Variants in LMX1B observed in about 807,000 individuals in gnomAD.
The protein encoded by LMX1B is LIM homeobox transcription factor 1-beta.
In LMX1B, 12 loss-of-function variants were observed where a neutral mutation model predicts 51.4. The ratio of observed to expected loss-of-function variants is 0.23; its 90% confidence interval spans 0.15 to 0.38. LMX1B has a LOEUF of 0.38. Among genes scored for constraint, LMX1B ranks in the 10% least tolerant of loss-of-function variants. The probability of loss-of-function intolerance (pLI) is 1.00; values close to 1 mark genes in which losing one functional copy is unlikely to be tolerated. For missense variants in LMX1B, 445 were observed against 571.1 expected, an observed-to-expected ratio of 0.78 and a Z score of 2.25; for synonymous variants, 237 against 235.4, an observed-to-expected ratio of 1.01 and a Z score of -0.06.
intron 2 of LMX1B, among the ~76,000 whole-genome samples, chr9:126,656,178 A>T (rs1408529548): frequency 6.6e-6 from 1 of 152,164 alleles, no homozygotes; most frequent in Non-Finnish European, 1.5e-5. Flanking sequence ...TACCAAATTT[A>T]TTTTTTGCAG....
At position 126,614,186 on chromosome 9, in the gene LMX1B, C is replaced by T. The variant is rs1298532471; in HGVS notation, c.-264C>T. 1.1e-4 allele frequency among the ~76,000 whole-genome samples: 16 copies of T among 145,560 alleles called. No homozygotes were observed. The highest frequency in any genetic ancestry group is 3.5e-3 in the Middle Eastern group (1 of 288). Reference sequence around the variant, plus strand: ...CGCCGCCGCCGGGTTCCGGGACTGACAAGCAGGTGACAGAGGAGCCGGCGC... The same window carrying T: ...CGCCGCCGCCGGGTTCCGGGACTGATAAGCAGGTGACAGAGGAGCCGGCGC... On this transcript the variant is annotated 5_prime_UTR_variant, in exon 1 of 8. Coordinates refer to ENST00000373474, the MANE Select transcript of LMX1B (RefSeq NM_001174147.2).
intron 2 of LMX1B, among the ~76,000 whole-genome samples, chr9:126,623,580 C>A (rs1468660168): frequency 6.6e-6 from 1 of 152,144 alleles, no homozygotes; most frequent in Non-Finnish European, 1.5e-5. Flanking sequence ...TAGCAGATTT[C>A]CCCCCCAGGC....
intron 2 of LMX1B, among the ~76,000 whole-genome samples, chr9:126,653,412 TC>T (rs894066721): frequency 1.9e-4 from 29 of 152,260 alleles, no homozygotes; most frequent in Admixed American, 1.9e-3. Context: ...TGCCTTGACC[TC>T]CCGAAGTGTT....
In LMX1B at chr9:126,700,789, G is replaced by C. The variant is rs1035726771; in HGVS notation, c.*4338G>C. 6.6e-6 allele frequency: 1 copy of C among 152,216 alleles called. No homozygotes were observed. Among genetic ancestry groups the C allele is most frequent in the African/African-American group, 2.4e-5 (1 of 41,448 alleles). The allele number at this position is 152,216 out of a possible 1,614,324, so 9.4% of individuals were successfully genotyped here. ...GCCCAGCCCAGCCAGGTGTGGGGAT[G>C]GGCCACCGGCCATTCCTGTTTTCCT... On this transcript the variant is annotated 3_prime_UTR_variant, in exon 8 of 8. Coordinates refer to ENST00000373474, the MANE Select transcript of LMX1B (RefSeq NM_001174147.2).
intron 2 of LMX1B, among the ~76,000 whole-genome samples, chr9:126,670,159 G>A (rs1836422537): frequency 6.6e-6 from 1 of 152,230 alleles, no homozygotes; most frequent in Non-Finnish European, 1.5e-5. Context: ...GGCCCCCAGA[G>A]CAGTCACCTG....
At chr9:126,678,965 G>A (rs975414331) in intron 2 of LMX1B, among the ~76,000 whole-genome samples, 17 of 152,216 alleles carry the variant, frequency 1.1e-4, no homozygotes, top group African/African-American at 3.9e-4. Context: ...TGGTCTATGT[G>A]CAGCAGTCCA....
intron 2 of LMX1B, 116 bp from the exon 3 acceptor site, chr9:126,690,720 C>T: frequency 1.2e-6 from 1 of 860,324 alleles, no homozygotes; most frequent in Non-Finnish European, 1.9e-6. Context: ...AGGAGGGCCT[C>T]TCCCTCCCAC....
intron 2 of LMX1B, among the ~76,000 whole-genome samples, chr9:126,629,705 T>C (rs1006339105): frequency 2.6e-5 from 4 of 152,190 alleles, no homozygotes; most frequent in African/African-American, 9.7e-5. Context: ...CTGAATCTTC[T>C]TACTGCTCTG....
At chr9:126,635,396 G>A (rs1291695134) in intron 2 of LMX1B, among the ~76,000 whole-genome samples, 4 of 152,210 alleles carry the variant, frequency 2.6e-5, no homozygotes, top group African/African-American at 7.2e-5. Context: ...AGTTGCAGTC[G>A]GAGGAGATGC....
chr9:126,659,500 A>G (rs1278844051), intron 2 of LMX1B, among the ~76,000 whole-genome samples: 1 of 152,182 alleles, frequency 6.6e-6, no homozygotes, highest in Non-Finnish European at 1.5e-5. Context: ...ACACATTCTC[A>G]GGCCAGGGGC....
rs1295503909 is a variant in LMX1B at position 126,699,149 on chromosome 9, A to G, written c.*2698A>G. On this transcript the variant is annotated 3_prime_UTR_variant, in exon 8 of 8. Transcript: ENST00000373474. ...ACCTGGCCCTTCTCTCTCAGACCCA[A>G]TAAGTTGGAAGGGACGTCAGAAGCG... 2.0e-5 allele frequency: 3 copies of G among 152,226 alleles called. No homozygotes were observed. The highest frequency in any genetic ancestry group is 2.4e-5 in the African/African-American group (1 of 41,440). 9.4% of individuals were successfully genotyped at this position (152,226 alleles called of 1,614,324 possible). A position where few individuals can be genotyped will look rare whatever the true frequency, so the allele number is the denominator to read the frequency against.
chr9:126,644,672 C>G (rs1215503048), intron 2 of LMX1B, among the ~76,000 whole-genome samples: 1 of 151,884 alleles, frequency 6.6e-6, no homozygotes, highest in Admixed American at 6.5e-5. Flanking sequence ...CTGGCTCAGC[C>G]GAGTGAGAAC....
chr9:126,651,394 G>A (rs1264590122), intron 2 of LMX1B, among the ~76,000 whole-genome samples: 2 of 151,666 alleles, frequency 1.3e-5, no homozygotes, highest in African/African-American at 4.8e-5. Context: ...CAGCTGGCAG[G>A]TGCAAGGGGT....
chr9:126,631,583 G>A (rs768222674), intron 2 of LMX1B, among the ~76,000 whole-genome samples: 13 of 152,102 alleles, frequency 8.5e-5, no homozygotes, highest in Non-Finnish European at 1.3e-4. Flanking sequence ...GGGTGAGGTG[G>A]GGATAGGGGC....
At chr9:126,693,657 C>A in intron 5 of LMX1B, 56 bp downstream of exon 5, 4 of 1,608,330 alleles carry the variant, frequency 2.5e-6, no homozygotes, top group Non-Finnish European at 3.4e-6. Flanking sequence ...CTAGAGGGGG[C>A]AGCCAGAAGA....
In LMX1B at chr9:126,693,136, CCA is replaced by C. The variant is rs1313648263; in HGVS notation, c.560-3_560-2del. 3 of 1,565,186 alleles carry C rather than the reference CCA, an allele frequency of 1.9e-6. No homozygotes were observed. The South Asian group carries it at 3.5e-5, about 18-fold the overall frequency. On this transcript the variant is annotated splice_polypyrimidine_tract_variant and splice_region_variant and intron_variant, in intron 3 of 7. Transcript: ENST00000373474. ...TTCATCACAGGCCGGGTTGTGTCCCCCACAGTGAAGAGCGAGGATGAAGATGG... is the reference window on the plus strand; with the variant it reads ...TTCATCACAGGCCGGGTTGTGTCCCCCAGTGAAGAGCGAGGATGAAGATGG...
In LMX1B at chr9:126,614,564, C is replaced by G. The variant is rs771784052; in HGVS notation, c.115C>G (p.Pro39Ala). The change falls in exon 1 of 8, where the codon CCC becomes GCC. Residue 39 changes from proline to alanine, a missense_variant. This residue lies in a region of LMX1B where 273 missense variants were observed against 343.3 expected (regional missense o/e 0.80). Coordinates refer to ENST00000373474, the MANE Select transcript of LMX1B (RefSeq NM_001174147.2). ...KMEEHALRPG[P>A]ATLGVLLGSD... ...GGAGGAGCACGCCCTGCGCCCCGGG[C>G]CCGCCACTCTGGGGGTGCTGCTGGG... 8.8e-6 allele frequency: 14 copies of G among 1,595,628 alleles called. No individual in the cohort carries two copies. The highest frequency in any genetic ancestry group is 1.2e-5 in the Non-Finnish European group (14 of 1,170,954).
intron 2 of LMX1B, among the ~76,000 whole-genome samples, chr9:126,617,068 T>C (rs544935445): frequency 1.3e-5 from 2 of 152,332 alleles, no homozygotes; most frequent in African/African-American, 4.8e-5. Context: ...TGAACTAATA[T>C]GATTCTAGTT....
rs71497626 is a variant in LMX1B, at chr9:126,643,584, G to A, written c.326+28015G>A. On this transcript the variant is annotated intron_variant, in intron 2 of 7. Transcript: ENST00000373474. ...CAGCTCAACAAATTAGGTGTACATA[G>A]CAATCATTCATTATCCCAGCTGGGA... Among the ~76,000 whole-genome samples the A allele has an allele frequency of 8.2e-3, 1,252 of 152,292 alleles. 16 individuals carry two copies. Among genetic ancestry groups the A allele is most frequent in the South Asian group, 0.016 (79 of 4,826 alleles).
Sources: allele counts gnomAD v4.1 joint callset (sites outside exome capture counted in the v4.1 genomes callset), GRCh38; gene constraint gnomAD v4.1.1; regional missense constraint gnomAD v4.1.1; transcripts MANE v1.5; gene names NCBI Gene and HGNC (gene_info 2026-07-23, HGNC 2026-07-21).